Variants in MCF2L2 observed in about 807,000 individuals in gnomAD.
MCF2L2 encodes MCF.2 cell line derived transforming sequence-like 2, also known as probable guanine nucleotide exchange factor MCF2L2.
In MCF2L2, 102 loss-of-function variants were observed where a neutral mutation model predicts 150.2. The observed-to-expected ratio is 0.68, with a 90% CI of 0.58 to 0.80. The LOEUF is 0.80. MCF2L2 is among the 30% of genes least tolerant of loss of function. The pLI, the probability that MCF2L2 is intolerant of heterozygous loss-of-function variation, is 0.00. For missense variants in MCF2L2, 1,256 were observed against 1,372.8 expected, an observed-to-expected ratio of 0.91 and a Z score of 1.34; for synonymous variants, 465 against 491.3, an observed-to-expected ratio of 0.95 and a Z score of 0.71.
At chr3:183,370,810 T>C (rs1577099788) in intron 3 of MCF2L2, among the ~76,000 whole-genome samples, 2 of 152,332 alleles carry the variant, frequency 1.3e-5, no homozygotes, top group South Asian at 2.1e-4. Context: ...AGTGCCACCA[T>C]TTACTCTTAA....
intron 21 of MCF2L2, among the ~76,000 whole-genome samples, chr3:183,218,950 C>T (rs771740732): frequency 2.0e-5 from 3 of 152,182 alleles, no homozygotes; most frequent in Non-Finnish European, 2.9e-5. Context: ...CCATTCTGAG[C>T]AGAAAGGGCA....
intron 1 of MCF2L2, among the ~76,000 whole-genome samples, chr3:183,425,197 T>C (rs1004923188): frequency 2.6e-5 from 4 of 151,690 alleles, no homozygotes; most frequent in South Asian, 4.2e-4. Context: ...GAGGTGTTTC[T>C]GAAACTGAAT....
chr3:183,290,086 C>T (rs977607474), intron 13 of MCF2L2, among the ~76,000 whole-genome samples: 1 of 152,188 alleles, frequency 6.6e-6, no homozygotes, highest in Non-Finnish European at 1.5e-5. Context: ...TACAGAAAAT[C>T]TGAAAAACAC....
In MCF2L2 at chr3:183,214,342, T is replaced by C. The variant is rs145483759; in HGVS notation, c.2496+1627A>G. Among the ~76,000 whole-genome samples, 204 of 152,310 alleles carry C rather than the reference T, an allele frequency of 1.3e-3. 2 individuals carry two copies. The South Asian group carries it at 0.024, about 18-fold the overall frequency. On this transcript the variant is annotated intron_variant, in intron 22 of 29. Transcript: ENST00000328913. ...CACCCTAACCCTACTCTGCAGTTTA[T>C]GCATATCCTCTTGAATCATGCATCA...
intron 3 of MCF2L2, among the ~76,000 whole-genome samples, chr3:183,351,210 A>G (rs1212668356): frequency 5.0e-5 from 4 of 79,476 alleles, no homozygotes; most frequent in South Asian, 4.3e-4. Flanking sequence ...ATATATATAT[A>G]TATATATATA....
chr3:183,207,639 G>A lies in MCF2L2; in HGVS notation c.2681C>T (p.Ser894Phe). 1.2e-6 allele frequency: 2 copies of A among 1,614,156 alleles called. No individual in the cohort carries two copies. The highest frequency in any genetic ancestry group is 1.7e-6 in the Non-Finnish European group (2 of 1,179,956). Residue 894 changes from serine (S) to phenylalanine (F), a missense_variant, in exon 23 of 30, where the codon TCT (serine) becomes TTT (phenylalanine). Coordinates refer to ENST00000328913, the MANE Select transcript of MCF2L2 (RefSeq NM_015078.4). ...IRMEPGDQGL[S>F]PHYSFKKTMK... ...GGTCTTCTTGAAGCTGTAATGAGGA[G>A]ATAATCCCTGGTCCCCAGGCTCCAT...
intron 15 of MCF2L2, chr3:183,231,308 GT>G: frequency 1.9e-6 from 1 of 538,490 alleles, no homozygotes; most frequent in Non-Finnish European, 3.6e-6. Context: ...TAGTGTGGGG[GT>G]CAAGAAGGGA....
chr3:183,375,503 C>A (rs1713143062), intron 3 of MCF2L2: 1 of 152,162 alleles, frequency 6.6e-6, no homozygotes. Flanking sequence ...ATAACAGAGT[C>A]ATGTAATGAG....
chr3:183,352,551 A>G (rs1394621076), intron 3 of MCF2L2, among the ~76,000 whole-genome samples: 1 of 151,992 alleles, frequency 6.6e-6, no homozygotes, highest in Non-Finnish European at 1.5e-5. Context: ...AAAGGCTGAG[A>G]CTCTAATGTT....
intron 13 of MCF2L2, among the ~76,000 whole-genome samples, chr3:183,289,865 AACAG>A (rs1329225277): frequency 3.3e-5 from 5 of 152,084 alleles, no homozygotes; most frequent in Non-Finnish European, 4.4e-5. Flanking sequence ...CAAACAAACA[AACAG>A]ACAAACAAAC....
intron 10 of MCF2L2, among the ~76,000 whole-genome samples, chr3:183,302,355 G>A (rs1728894344): frequency 6.6e-6 from 1 of 152,192 alleles, no homozygotes; most frequent in Admixed American, 6.5e-5. Flanking sequence ...CTGCATACAA[G>A]CTGAGACCTG....
rs796842902 is a variant in MCF2L2 at position 183,402,310 on chromosome 3, G to C, written c.77-12531C>G. The stretch of plus-strand genomic sequence containing the variant: ...TGCAAAAAAAAATTAGCCGGGCGTG[G>C]TGGGTTTTTCCCGGGTGCCTGTAGT... On this transcript the variant is annotated intron_variant, in intron 1 of 29. Transcript: ENST00000328913. Among the ~76,000 whole-genome samples, 8 of 151,906 alleles carry C rather than the reference G, an allele frequency of 5.3e-5. 1 individual carries two copies. Among genetic ancestry groups the C allele is most frequent in the African/African-American group, 1.9e-4 (8 of 41,440 alleles).
At chr3:183,235,120 C>T (rs1222811427) in intron 15 of MCF2L2, among the ~76,000 whole-genome samples, 1 of 84,052 alleles carries the variant, frequency 1.2e-5, no homozygotes, top group African/African-American at 5.6e-5. Context: ...GGGTTGGTTC[C>T]AAGTCTTTGC....
intron 5 of MCF2L2, among the ~76,000 whole-genome samples, chr3:183,336,841 G>A (rs1436175503): frequency 6.8e-6 from 1 of 148,134 alleles, no homozygotes; most frequent in African/African-American, 2.6e-5. Flanking sequence ...GGGCAACAGA[G>A]TGAAACTCCA....
At chr3:183,216,574 ATATATATTTTTTTTTTTTTTTTTTTTT>A (rs1218067260) in intron 21 of MCF2L2, among the ~76,000 whole-genome samples, 567 of 54,440 alleles carry the variant, frequency 0.01, 38 homozygotes, top group African/African-American at 0.043. Context: ...ATATATATAT[ATATATATTTTTTTTTTTTTTTTTTTTT>A]TTTTTTTTTT....
chr3:183,279,174 CAT>C (rs1303699271), intron 14 of MCF2L2, among the ~76,000 whole-genome samples: 20 of 152,174 alleles, frequency 1.3e-4, no homozygotes, highest in East Asian at 9.6e-4. Flanking sequence ...CACACACACA[CAT>C]ACACACACAC....
At chr3:183,354,867 T>C (rs933405620) in intron 3 of MCF2L2, among the ~76,000 whole-genome samples, 2 of 152,178 alleles carry the variant, frequency 1.3e-5, no homozygotes, top group Non-Finnish European at 2.9e-5. Context: ...TGAGTCAACA[T>C]AGGTATGTTA....
rs970371713 is a variant in MCF2L2, at chr3:183,286,519, C to T, written c.1776+2601G>A. 4.6e-5 allele frequency among the ~76,000 whole-genome samples: 7 copies of T among 152,206 alleles called. No homozygotes were observed. In the East Asian group the frequency reaches 1.3e-3, roughly 29 times the overall value. On this transcript the variant is annotated intron_variant, in intron 14 of 29. Transcript: ENST00000328913. ...TGTCCCCCTTTTAATAATCCATGAT[C>T]CACACAGACATGAATCTAAACCTTT...
intron 15 of MCF2L2, among the ~76,000 whole-genome samples, chr3:183,273,689 CT>C (rs1306599350): frequency 6.6e-6 from 1 of 152,098 alleles, no homozygotes; most frequent in African/African-American, 2.4e-5. Context: ...CATTTTTTAT[CT>C]TTTATTTCAG....
Sources: gnomAD v4.1 joint callset for allele counts (sites outside exome capture counted in the v4.1 genomes callset) on GRCh38, gnomAD v4.1.1 for gene constraint, MANE v1.5 for transcripts, NCBI Gene and HGNC (gene_info 2026-07-23, HGNC 2026-07-21) for gene names.